Variants in HPSE2 observed in about 807,000 individuals in gnomAD.
The protein encoded by HPSE2 is heparanase 2 (inactive).
Under a neutral mutation model 60.5 loss-of-function variants are expected in HPSE2, and 38 were observed. That is an observed-to-expected ratio of 0.63 (90% CI 0.48 to 0.82). The LOEUF (loss-of-function observed/expected upper bound fraction) is 0.82. Ranked by LOEUF, HPSE2 falls within the 40% of genes least tolerant of loss-of-function variation. HPSE2 has a pLI of 0.00. For synonymous variants in HPSE2, 295 were observed against 293.2 expected, an observed-to-expected ratio of 1.01 and a Z score of -0.06; for missense variants, 713 against 740.4, an observed-to-expected ratio of 0.96 and a Z score of 0.43.
intron 3 of HPSE2, among the ~76,000 whole-genome samples, chr10:99,132,759 C>G (rs568894458): frequency 2.0e-5 from 3 of 152,186 alleles, no homozygotes; most frequent in African/African-American, 4.8e-5. Flanking sequence ...AGATTCCCTC[C>G]GGTCCCTACC....
intron 2 of HPSE2, among the ~76,000 whole-genome samples, chr10:99,232,003 T>C (rs1849659153): frequency 6.6e-6 from 1 of 152,188 alleles, no homozygotes; most frequent in South Asian, 2.1e-4. Flanking sequence ...GAACAGCCTG[T>C]TAAGCAGTTT....
At chr10:99,172,635 TG>T (rs1401286166) in intron 2 of HPSE2, among the ~76,000 whole-genome samples, 1 of 152,134 alleles carries the variant, frequency 6.6e-6, no homozygotes, top group African/African-American at 2.4e-5. Flanking sequence ...GAAAGGGCTT[TG>T]GGAGGCCAGG....
intron 3 of HPSE2, among the ~76,000 whole-genome samples, chr10:98,999,155 A>ATG (rs1564725716): frequency 4.3e-5 from 5 of 115,010 alleles, no homozygotes; most frequent in African/African-American, 2.1e-4. Context: ...GGTATAGACT[A>ATG]CGTGTGTGTG....
intron 3 of HPSE2, among the ~76,000 whole-genome samples, chr10:98,951,094 G>A (rs1017633510): frequency 1.3e-5 from 2 of 152,152 alleles, no homozygotes; most frequent in South Asian, 2.1e-4. Flanking sequence ...AGACAAGGTA[G>A]AGGGGCACAA....
chr10:99,128,993 G>A (rs1181756725), intron 3 of HPSE2, among the ~76,000 whole-genome samples: 1 of 152,120 alleles, frequency 6.6e-6, no homozygotes, highest in East Asian at 1.9e-4. Context: ...GTGAACAGGA[G>A]TAGCTACTCT....
intron 6 of HPSE2, among the ~76,000 whole-genome samples, chr10:98,655,215 G>A (rs1947027616): frequency 6.6e-6 from 1 of 152,022 alleles, no homozygotes; most frequent in South Asian, 2.1e-4. Flanking sequence ...TCTGGGATAA[G>A]GCTTGGAGAG....
At chr10:99,072,755 C>T (rs1292914405) in intron 3 of HPSE2, among the ~76,000 whole-genome samples, 2 of 152,046 alleles carry the variant, frequency 1.3e-5, no homozygotes, top group East Asian at 3.9e-4. Flanking sequence ...GAAACCCTGT[C>T]TCTACTAAAA....
intron 2 of HPSE2, among the ~76,000 whole-genome samples, chr10:99,208,363 T>G (rs1437630133): frequency 6.6e-6 from 1 of 152,178 alleles, no homozygotes; most frequent in African/African-American, 2.4e-5. Context: ...TTACCTTGAA[T>G]GTAAATGAAT....
intron 3 of HPSE2, among the ~76,000 whole-genome samples, chr10:99,069,749 T>C (rs1201028349): frequency 6.6e-6 from 1 of 151,922 alleles, no homozygotes; most frequent in Non-Finnish European, 1.5e-5. Flanking sequence ...AGTGTTTTCA[T>C]GTATCATCTC....
At chr10:98,517,306 A>C (rs927612854) in intron 9 of HPSE2, among the ~76,000 whole-genome samples, 3 of 152,086 alleles carry the variant, frequency 2.0e-5, no homozygotes, top group Non-Finnish European at 4.4e-5. Context: ...TAACAACCAA[A>C]AATGTCTCCA....
At chr10:99,249,827 T>C in the HPSE2 span, among the ~76,000 whole-genome samples, 104 of 151,942 alleles carry the variant, frequency 6.8e-4, no homozygotes, top group African/African-American at 2.3e-3. Flanking sequence ...AGTGGGTGAG[T>C]TCTCATGAAA....
At chr10:98,470,001 T>G (rs1265211315) in intron 11 of HPSE2, among the ~76,000 whole-genome samples, 1 of 152,206 alleles carries the variant, frequency 6.6e-6, no homozygotes, top group Non-Finnish European at 1.5e-5. Flanking sequence ...GGACCAGGTT[T>G]CCCCAGTCCT....
chr10:98,608,006 G>T (rs1436815706), intron 9 of HPSE2, among the ~76,000 whole-genome samples: 2 of 152,154 alleles, frequency 1.3e-5, no homozygotes, highest in Non-Finnish European at 2.9e-5. Context: ...TGTGGTAAAA[G>T]ATACATATTC....
intron 3 of HPSE2, among the ~76,000 whole-genome samples, chr10:98,990,428 C>A (rs1211773533): frequency 6.6e-6 from 1 of 152,142 alleles, no homozygotes; most frequent in Non-Finnish European, 1.5e-5. Flanking sequence ...GCTGATCTGA[C>A]AGGAGGTGGA....
the HPSE2 span, among the ~76,000 whole-genome samples, chr10:99,294,039 A>G: frequency 6.6e-6 from 1 of 152,168 alleles, no homozygotes; most frequent in African/African-American, 2.4e-5. Context: ...ACCTGCTACT[A>G]AACCTACTTA....
intron 3 of HPSE2, among the ~76,000 whole-genome samples, chr10:99,114,244 AC>A (rs1264055719): frequency 6.6e-6 from 1 of 152,220 alleles, no homozygotes; most frequent in Non-Finnish European, 1.5e-5. Context: ...ACAGCACTTA[AC>A]TAAATACTCT....
chr10:98,721,582 T>C, intron 5 of HPSE2, 75 bp downstream of exon 5: 1 of 1,382,904 alleles, frequency 7.2e-7, no homozygotes. Context: ...AATAAATAAA[T>C]AACCAAGAGA....
chr10:99,053,302 C>T (rs1244606261), intron 3 of HPSE2, among the ~76,000 whole-genome samples: 5 of 152,040 alleles, frequency 3.3e-5, no homozygotes, highest in African/African-American at 4.8e-5. Flanking sequence ...ATAATATTAA[C>T]TCTAAGTAGA....
At chr10:98,971,666 A>C (rs950121449) in intron 3 of HPSE2, among the ~76,000 whole-genome samples, 8 of 152,166 alleles carry the variant, frequency 5.3e-5, no homozygotes, top group African/African-American at 1.9e-4. Context: ...CTTGTTGTGC[A>C]ATCATTACAT....
Sources: gnomAD v4.1 joint callset for allele counts (sites outside exome capture counted in the v4.1 genomes callset) on GRCh38, gnomAD v4.1.1 for gene constraint, MANE v1.5 for transcripts, NCBI Gene and HGNC (gene_info 2026-07-23, HGNC 2026-07-21) for gene names.